Variants in UNKL observed in about 807,000 individuals in gnomAD.
UNKL encodes the protein putative E3 ubiquitin-protein ligase UNKL.
In UNKL, 60 loss-of-function variants were observed where a neutral mutation model predicts 78.0. The observed-to-expected ratio is 0.77, with a 90% CI of 0.63 to 0.95. UNKL has a LOEUF of 0.95. Ranked by LOEUF, UNKL falls within the 40% of genes least tolerant of loss-of-function variation. UNKL has a pLI of 0.00. For synonymous variants in UNKL, 608 were observed against 474.8 expected, an observed-to-expected ratio of 1.28 and a Z score of -3.65; for missense variants, 1,159 against 1,045.7, an observed-to-expected ratio of 1.11 and a Z score of -1.49.
intron 10 of UNKL, among the ~76,000 whole-genome samples, chr16:1,381,898 G>A (rs2142072352): frequency 6.6e-6 from 1 of 152,280 alleles, no homozygotes; most frequent in African/African-American, 2.4e-5. Context: ...CGAGCTGACT[G>A]TACCACTGCA....
At chr16:1,388,479 G>A (rs1034109573) in intron 9 of UNKL, among the ~76,000 whole-genome samples, 2 of 152,178 alleles carry the variant, frequency 1.3e-5, no homozygotes, top group African/African-American at 2.4e-5. Flanking sequence ...GGACCAGAGA[G>A]GAAGCCTCAG....
intron 10 of UNKL, chr16:1,379,443 A>C (rs1596691389): frequency 1.0e-6 from 1 of 977,234 alleles, no homozygotes; most frequent in Non-Finnish European, 1.2e-6. Flanking sequence ...GGTTCCGAGA[A>C]GGCGACGCCT....
chr16:1,369,329 A>G (rs957706256), intron 12 of UNKL, among the ~76,000 whole-genome samples: 1 of 150,182 alleles, frequency 6.7e-6, no homozygotes, highest in African/African-American at 2.5e-5. Flanking sequence ...CGGCGCCCCA[A>G]GTGCTGGGAT....
chr16:1,374,521 C>A (rs994547624), intron 10 of UNKL, among the ~76,000 whole-genome samples: 1 of 152,146 alleles, frequency 6.6e-6, no homozygotes, highest in Non-Finnish European at 1.5e-5. Context: ...CCGTGGGGGT[C>A]GGCGCGCCGG....
chr16:1,406,928 A>G (rs2142249125), intron 2 of UNKL, among the ~76,000 whole-genome samples: 1 of 23,194 alleles, frequency 4.3e-5, no homozygotes, highest in East Asian at 0.12. Context: ...ACCTGAGGTC[A>G]GGAGTTAAGA....
At chr16:1,391,249 C>CACACACAA (rs1555457653) in intron 8 of UNKL, among the ~76,000 whole-genome samples, 32 of 7,872 alleles carry the variant, frequency 4.1e-3, no homozygotes, top group African/African-American at 5.8e-3. Flanking sequence ...TACACACACA[C>CACACACAA]ACACACACAC....
rs1329924155 is a variant in UNKL, at chr16:1,385,243, A to G, written c.1229T>C (p.Leu410Pro). Reference protein sequence around the residue: ...LPAPPARALPLGPASSTVEAV... With the variant: ...LPAPPARALPPGPASSTVEAV... ...CTCCACAGTGCTGCTGGCGGGGCCG[A>G]GCGGGAGGGCACGGGCGGGGGGCGC... Residue 410 changes from leucine (L) to proline (P), a missense_variant, in exon 10 of 15, where the codon CTC becomes CCC. Physicochemically the swap from Leu to Pro is moderately conservative, Grantham distance 98 (BLOSUM62 -3). Transcript: ENST00000389221. 5 of 1,306,658 alleles carry G rather than the reference A, an allele frequency of 3.8e-6. No individual in the cohort carries two copies. The highest frequency in any genetic ancestry group is 2.9e-6 in the Non-Finnish European group (3 of 1,030,090). 80.9% of individuals were successfully genotyped at this position (1,306,658 alleles called of 1,614,324 possible). A position where few individuals can be genotyped will look rare whatever the true frequency, so the allele number is the denominator to read the frequency against.
At chr16:1,414,155 G>A in intron 1 of UNKL, 100 bp from the exon 2 acceptor site, 1 of 1,211,172 alleles carries the variant, frequency 8.3e-7, no homozygotes, top group Non-Finnish European at 1.1e-6. Context: ...CCTCAACCCA[G>A]GGTCGACCCG....
chr16:1,385,539 C>T lies in UNKL; in HGVS notation c.1087-154G>A, dbSNP rs560338838. 44 of 716,218 alleles carry T rather than the reference C, an allele frequency of 6.1e-5. No individual in the cohort carries two copies. The African/African-American group carries it at 7.6e-4, about 12-fold the overall frequency. The allele number at this position is 716,218 out of a possible 1,614,324, so 44.4% of individuals were successfully genotyped here. The stretch of plus-strand genomic sequence containing the variant: ...CTTCCCAGACCCGGAGGGACTCTGA[C>T]CGCACCGAGGAGAAACACCAGGACG... On this transcript the variant is annotated intron_variant, in intron 9 of 14. Coordinates refer to ENST00000389221, the MANE Select transcript of UNKL (RefSeq NM_001372107.1).
intron 6 of UNKL, among the ~76,000 whole-genome samples, chr16:1,396,331 T>A (rs1439177551): frequency 2.6e-5 from 4 of 151,044 alleles, no homozygotes; most frequent in Non-Finnish European, 5.9e-5. Context: ...CTCGGCTCAC[T>A]CTAAGCTCTG....
intron 11 of UNKL, among the ~76,000 whole-genome samples, chr16:1,370,879 G>T (rs904601183): frequency 6.6e-6 from 1 of 152,076 alleles, no homozygotes; most frequent in Admixed American, 6.5e-5. Flanking sequence ...GTCAGGAGAT[G>T]GAGACCATCC....
At chr16:1,396,500 C>A (rs1300601273) in intron 6 of UNKL, among the ~76,000 whole-genome samples, 1 of 150,950 alleles carries the variant, frequency 6.6e-6, no homozygotes, top group Non-Finnish European at 1.5e-5. Context: ...GGTTTCGAAC[C>A]CCTGACCTCA....
chr16:1,398,916 T>G (rs1466640598), intron 5 of UNKL: 1 of 1,562,332 alleles, frequency 6.4e-7, no homozygotes, highest in African/African-American at 1.4e-5. Flanking sequence ...GGACTCAGCC[T>G]AAGGACCCGG....
At chr16:1,398,557 G>A in intron 5 of UNKL, 1 of 1,371,346 alleles carries the variant, frequency 7.3e-7, no homozygotes, top group Admixed American at 3.2e-5. Context: ...GGCATGCGAG[G>A]CAGCACCAGG....
chr16:1,370,389 T>A, intron 11 of UNKL, 32 bp from the exon 12 acceptor site: 12 of 1,527,264 alleles, frequency 7.9e-6, no homozygotes, highest in Non-Finnish European at 1.0e-5. Flanking sequence ...GCGAAGGGAG[T>A]ACCGCCAGGC....
rs552874291 is a variant in UNKL at position 1,379,630 on chromosome 16, G to A, written c.1264+5578C>T. ...ACGGCTGCCACGCGCTGGGGCCGCC[G>A]CCAATGCTGACTCACGGTCCGCGGC... On this transcript the variant is annotated intron_variant, in intron 10 of 14. Coordinates refer to ENST00000389221, the MANE Select transcript of UNKL (RefSeq NM_001372107.1). 280 of 984,908 alleles carry A rather than the reference G, an allele frequency of 2.8e-4. 2 individuals are homozygous for A. The African/African-American group carries it at 4.5e-3, about 16-fold the overall frequency. The allele number at this position is 984,908 out of a possible 1,614,324, so 61.0% of individuals were successfully genotyped here. A position where few individuals can be genotyped will look rare whatever the true frequency, so the allele number is the denominator to read the frequency against.
intron 6 of UNKL, 38 bp downstream of exon 6, chr16:1,397,140 C>A: frequency 6.5e-7 from 1 of 1,539,392 alleles, no homozygotes; most frequent in South Asian, 1.2e-5. Context: ...CTGGGACCTT[C>A]CAGCGACCCC....
At chr16:1,413,293 G>C (rs1421863479) in intron 2 of UNKL, among the ~76,000 whole-genome samples, 1 of 142,202 alleles carries the variant, frequency 7.0e-6, no homozygotes, top group Non-Finnish European at 1.5e-5. Context: ...GTGGGGCCGG[G>C]TACGGTGGCT....
At chr16:1,383,552 G>C in intron 10 of UNKL, 1 of 341,986 alleles carries the variant, frequency 2.9e-6, no homozygotes, top group Non-Finnish European at 6.1e-6. Context: ...GTGTCCTGCC[G>C]ATGTGTGGTC....
Sources: gnomAD v4.1 joint callset for allele counts (sites outside exome capture counted in the v4.1 genomes callset) on GRCh38, gnomAD v4.1.1 for gene constraint, MANE v1.5 for transcripts, NCBI Gene and HGNC (gene_info 2026-07-23, HGNC 2026-07-21) for gene names.